Variants in HPSE observed in about 807,000 individuals in gnomAD.
The protein encoded by HPSE is endo-glucoronidase.
HPSE carries 48 observed loss-of-function variants against 65.1 expected under a neutral mutation model. That is an observed-to-expected ratio of 0.74 (90% CI 0.58 to 0.94). The LOEUF (loss-of-function observed/expected upper bound fraction) is 0.94, where lower values mean the gene tolerates loss of function less well. Among genes scored for constraint, HPSE ranks in the 40% least tolerant of loss-of-function variants. HPSE has a pLI of 0.00. For synonymous variants in HPSE, 243 were observed against 260.0 expected, an observed-to-expected ratio of 0.93 and a Z score of 0.63; for missense variants, 644 against 637.5, an observed-to-expected ratio of 1.01 and a Z score of -0.11.
chr4:83,333,378 A>T (rs1737474537), intron 1 of HPSE, among the ~76,000 whole-genome samples: 3 of 152,224 alleles, frequency 2.0e-5, no homozygotes, highest in Admixed American at 1.3e-4. Flanking sequence ...GCCAGAGCTG[A>T]GAGTCAAGCC....
rs774070743 is a variant in HPSE, at chr4:83,302,213, G to A, written c.1262C>T (p.Ala421Val). The change falls in exon 10 of 12, where the codon GCA becomes GTA. Residue 421 changes from alanine to valine, a missense_variant. By Grantham distance (64) the Ala-to-Val change is moderately conservative. Coordinates refer to ENST00000311412, the MANE Select transcript of HPSE (RefSeq NM_001098540.3). ...KKLVGTKVLM[A>V]SVQGSKRRKL... is the part of the protein sequence containing the mutation. ...CCTTCTCTTTGAACCTTGCACGCTT[G>A]CCATTAACACCTTGGTGCCCACCAA... is the stretch of plus-strand genomic sequence containing the variant. 9 of 1,613,946 alleles carry A rather than the reference G, an allele frequency of 5.6e-6. No individual in the cohort carries two copies. The highest frequency in any genetic ancestry group is 1.1e-5 in the South Asian group (1 of 91,062).
At chr4:83,322,554 G>A (rs1006066869) in intron 1 of HPSE, among the ~76,000 whole-genome samples, 190 bp from the exon 2 acceptor site, 5 of 151,980 alleles carry the variant, frequency 3.3e-5, no homozygotes, top group Admixed American at 1.3e-4. Context: ...GTGCAGTGGC[G>A]CGATCTCACT....
At chr4:83,321,674 G>A (rs1398285176) in intron 2 of HPSE, among the ~76,000 whole-genome samples, 1 of 152,136 alleles carries the variant, frequency 6.6e-6, no homozygotes, top group African/African-American at 2.4e-5. Context: ...TGAAAGACAG[G>A]ACAAATTTTC....
At chr4:83,322,784 CTT>C (rs1560514277) in intron 1 of HPSE, among the ~76,000 whole-genome samples, 4 of 116,240 alleles carry the variant, frequency 3.4e-5, no homozygotes, top group African/African-American at 1.3e-4. Flanking sequence ...CTGGCAAGAG[CTT>C]GTTTGTGTGT....
chr4:83,297,135 A>G (rs943556438), intron 11 of HPSE, among the ~76,000 whole-genome samples: 1 of 152,178 alleles, frequency 6.6e-6, no homozygotes, highest in African/African-American at 2.4e-5. Flanking sequence ...TGTGTTAAGT[A>G]TTTGTATATT....
At chr4:83,309,052 G>T in intron 7 of HPSE, 101 bp from the exon 8 acceptor site, 1 of 817,782 alleles carries the variant, frequency 1.2e-6, no homozygotes, top group Non-Finnish European at 2.0e-6. Flanking sequence ...TGTATTCCTA[G>T]ACCCACCCCT....
At chr4:83,319,976 C>T (rs760828253) in intron 2 of HPSE, among the ~76,000 whole-genome samples, 4 of 146,512 alleles carry the variant, frequency 2.7e-5, no homozygotes, top group African/African-American at 7.6e-5. Context: ...GCCGAGATCA[C>T]GTCACTGCAC....
intron 3 of HPSE, among the ~76,000 whole-genome samples, chr4:83,313,504 G>C (rs927020647): frequency 4.6e-5 from 7 of 152,060 alleles, no homozygotes; most frequent in Non-Finnish European, 7.4e-5. Flanking sequence ...AAATCCCATG[G>C]AAGATACCAG....
chr4:83,330,435 G>C (rs1737319103), intron 1 of HPSE, among the ~76,000 whole-genome samples: 1 of 152,246 alleles, frequency 6.6e-6, no homozygotes, highest in Non-Finnish European at 1.5e-5. Context: ...TAGGAGACAT[G>C]AGGTGTGTGA....
intron 1 of HPSE, among the ~76,000 whole-genome samples, chr4:83,328,742 TGGGAAAGGCTTGGGGAAAGGCTTG>T (rs33968707): frequency 1.3e-5 from 2 of 150,608 alleles, no homozygotes; most frequent in Admixed American, 6.6e-5. Flanking sequence ...GTAATTGAGA[TGGGAAAGGCTTGGGGAAAGGCTTG>T]GGGAAAGGCT....
At chr4:83,299,459 T>C (rs9307824) in intron 11 of HPSE, among the ~76,000 whole-genome samples, 137,671 of 150,326 alleles carry the variant, frequency 0.92, 63,517 homozygotes, top group East Asian at 0.99. Flanking sequence ...ATCTCTCCCC[T>C]GACCCTGCCT....
At chr4:83,324,733 T>C (rs1188791672) in intron 1 of HPSE, among the ~76,000 whole-genome samples, 1 of 152,188 alleles carries the variant, frequency 6.6e-6, no homozygotes, top group African/African-American at 2.4e-5. Context: ...TTCAGTTTGG[T>C]ACAAACCCAA....
In HPSE at chr4:83,310,844, C is replaced by T. The variant is rs150778862; in HGVS notation, c.720G>A (p.Ser240=). Residue 240 remains serine, a synonymous_variant, in exon 5 of 12, where the codon TCG becomes TCA. Transcript: ENST00000311412. ...ATTGAATAAAATCTTCTCCTAACTG[C>T]GACCCATTGATGAAAATATCAGCCT... ...LKKADIFING[S]QLGEDFIQLH... is the part of the protein sequence containing the mutation. 2.6e-4 allele frequency: 419 copies of T among 1,613,454 alleles called. No homozygotes were observed. Among genetic ancestry groups the T allele is most frequent in the Non-Finnish European group, 3.1e-4 (367 of 1,179,656 alleles).
At chr4:83,331,200 C>G (rs1737356853) in intron 1 of HPSE, among the ~76,000 whole-genome samples, 1 of 149,814 alleles carries the variant, frequency 6.7e-6, no homozygotes, top group Non-Finnish European at 1.5e-5. Flanking sequence ...GCAAAATTGT[C>G]TCGGAAAAAA....
intron 1 of HPSE, among the ~76,000 whole-genome samples, chr4:83,325,720 C>T (rs1426217910): frequency 1.3e-5 from 2 of 152,102 alleles, no homozygotes; most frequent in African/African-American, 4.8e-5. Context: ...CTAATCTAGA[C>T]CTTGGGCTGA....
At chr4:83,329,956 A>G (rs1737301272) in intron 1 of HPSE, among the ~76,000 whole-genome samples, 1 of 152,148 alleles carries the variant, frequency 6.6e-6, no homozygotes, top group Non-Finnish European at 1.5e-5. Context: ...TCATGGCATC[A>G]CCCGTAATGC....
At chr4:83,332,500 C>A (rs567205699) in intron 1 of HPSE, among the ~76,000 whole-genome samples, 32 of 152,206 alleles carry the variant, frequency 2.1e-4, no homozygotes, top group Non-Finnish European at 4.1e-4. Context: ...CAAGAATGAA[C>A]TGTTTTGTAA....
In HPSE at chr4:83,334,564, G is replaced by T; in HGVS notation, c.219C>A (p.Ile73=). 1 of 1,582,526 alleles carries T rather than the reference G, an allele frequency of 6.3e-7. No individual in the cohort carries two copies. The change falls in exon 1 of 12, where the codon ATC becomes ATA. Residue 73 remains isoleucine, a synonymous_variant. Transcript: ENST00000311412. The stretch of plus-strand genomic sequence containing the variant: ...AGGAGGCTGGCGCTTACCCCAGGAG[G>T]ATGAGGAACCGCGGGTCCGTGGCCA... ...ANLATDPRFL[I]LLGSPKLRTL... is the part of the protein sequence containing the mutation.
At chr4:83,330,455 G>T (rs957265918) in intron 1 of HPSE, among the ~76,000 whole-genome samples, 1 of 152,190 alleles carries the variant, frequency 6.6e-6, no homozygotes, top group African/African-American at 2.4e-5. Context: ...ATTGTCCCCA[G>T]CCCTTTGTTT....
Sources: gnomAD v4.1 joint callset for allele counts (sites outside exome capture counted in the v4.1 genomes callset) on GRCh38, gnomAD v4.1.1 for gene constraint, MANE v1.5 for transcripts, NCBI Gene and HGNC (gene_info 2026-07-23, HGNC 2026-07-21) for gene names.